The following KCNH8 variants were observed in gnomAD, a reference collection of about 807,000 sequenced individuals.
KCNH8 encodes the protein potassium voltage-gated channel subfamily H member 8, also known as voltage-gated delayed rectifier potassium channel KCNH8.
A neutral mutation model predicts 103.6 loss-of-function variants in KCNH8; 70 were observed. The ratio of observed to expected loss-of-function variants is 0.68; its 90% confidence interval spans 0.56 to 0.82. The LOEUF is 0.82. Ranked by LOEUF, KCNH8 falls within the 40% of genes least tolerant of loss-of-function variation. The probability of loss-of-function intolerance (pLI) is 0.00; values close to 1 mark genes in which losing one functional copy is unlikely to be tolerated. For missense variants in KCNH8, 1,217 were observed against 1,329.9 expected, an observed-to-expected ratio of 0.92 and a Z score of 1.32; for synonymous variants, 498 against 489.4, an observed-to-expected ratio of 1.02 and a Z score of -0.23.
chr3:19,354,045 A>G (rs2065843829), intron 5 of KCNH8, among the ~76,000 whole-genome samples: 1 of 152,220 alleles, frequency 6.6e-6, no homozygotes, highest in African/African-American at 2.4e-5. Context: ...GTCTCAGAAT[A>G]CAAAATCAAT....
intron 7 of KCNH8, among the ~76,000 whole-genome samples, chr3:19,429,100 C>T (rs2067075318): frequency 6.6e-6 from 1 of 151,540 alleles, no homozygotes; most frequent in South Asian, 2.1e-4. Context: ...TTTTTCACAC[C>T]TATCAAGCCA....
chr3:19,326,368 T>TATATATATATATATATATATATATAC (rs1315342008), intron 3 of KCNH8, among the ~76,000 whole-genome samples: 1 of 147,084 alleles, frequency 6.8e-6, no homozygotes, highest in Non-Finnish European at 1.5e-5. Flanking sequence ...TATATATATA[T>TATATATATATATATATATATATATAC]ATATATATAT....
At chr3:19,215,777 T>C (rs938766820) in intron 1 of KCNH8, among the ~76,000 whole-genome samples, 1 of 152,202 alleles carries the variant, frequency 6.6e-6, no homozygotes, top group Non-Finnish European at 1.5e-5. Context: ...TAGTAGGCTC[T>C]CCTTTCTGCA....
At chr3:19,289,575 A>G (rs2064887639) in intron 3 of KCNH8, among the ~76,000 whole-genome samples, 1 of 151,974 alleles carries the variant, frequency 6.6e-6, no homozygotes, top group Admixed American at 6.6e-5. Flanking sequence ...GTTCTGTTCC[A>G]TTGGTCTATA....
intron 8 of KCNH8, among the ~76,000 whole-genome samples, chr3:19,445,173 A>G (rs2067345052): frequency 6.6e-6 from 1 of 152,060 alleles, no homozygotes; most frequent in Non-Finnish European, 1.5e-5. Context: ...ATGGAACCTT[A>G]TGGATAAATC....
intron 1 of KCNH8, among the ~76,000 whole-genome samples, chr3:19,238,513 T>C (rs565534632): frequency 3.4e-4 from 52 of 152,322 alleles, no homozygotes; most frequent in African/African-American, 1.2e-3. Flanking sequence ...TGAGAATTTA[T>C]TTGCATAGAA....
chr3:19,222,759 A>G (rs922073180), intron 1 of KCNH8, among the ~76,000 whole-genome samples: 3 of 152,186 alleles, frequency 2.0e-5, no homozygotes, highest in East Asian at 1.9e-4. Flanking sequence ...TTGACCACAG[A>G]TAAATCACTA....
intron 7 of KCNH8, among the ~76,000 whole-genome samples, chr3:19,407,712 T>A (rs1056882072): frequency 6.6e-6 from 1 of 152,136 alleles, no homozygotes; most frequent in Non-Finnish European, 1.5e-5. Context: ...TTTCCCTGGT[T>A]CAGCAGCCTG....
At chr3:19,251,228 A>G (rs1283091609) in intron 1 of KCNH8, among the ~76,000 whole-genome samples, 1 of 152,160 alleles carries the variant, frequency 6.6e-6, no homozygotes, top group African/African-American at 2.4e-5. Context: ...AACTTTTTGC[A>G]TCCACACCTG....
intron 1 of KCNH8, among the ~76,000 whole-genome samples, chr3:19,239,713 A>G (rs1028428230): frequency 6.6e-6 from 1 of 151,900 alleles, no homozygotes; most frequent in African/African-American, 2.4e-5. Flanking sequence ...TAAGCTGTCT[A>G]TCTAATCTAG....
intron 2 of KCNH8, among the ~76,000 whole-genome samples, chr3:19,272,373 C>T (rs998670016): frequency 2.6e-5 from 4 of 152,034 alleles, no homozygotes; most frequent in Non-Finnish European, 4.4e-5. Context: ...ATGTGCCTGT[C>T]CTGTCTGTGA....
chr3:19,505,726 G>C (rs1200277381), intron 11 of KCNH8, among the ~76,000 whole-genome samples: 1 of 152,142 alleles, frequency 6.6e-6, no homozygotes, highest in Non-Finnish European at 1.5e-5. Context: ...GGATGGGAAG[G>C]TTTGCATGGA....
chr3:19,515,093 T>C (rs772638829), intron 13 of KCNH8, among the ~76,000 whole-genome samples: 14 of 151,832 alleles, frequency 9.2e-5, no homozygotes, highest in Non-Finnish European at 1.8e-4. Flanking sequence ...TTTTTAACCA[T>C]ATTCTTCAAA....
At chr3:19,503,491 C>A (rs1001767349) in intron 11 of KCNH8, among the ~76,000 whole-genome samples, 9 of 152,114 alleles carry the variant, frequency 5.9e-5, no homozygotes, top group African/African-American at 2.2e-4. Flanking sequence ...ATGTTTATTG[C>A]AGCATTATCC....
At chr3:19,482,642 A>C (rs1053190842) in intron 11 of KCNH8, among the ~76,000 whole-genome samples, 3 of 152,144 alleles carry the variant, frequency 2.0e-5, no homozygotes, top group Non-Finnish European at 4.4e-5. Context: ...GCTGGGAGCC[A>C]TTTTTTAAAC....
chr3:19,449,980 G>GT (rs2067421342), intron 8 of KCNH8, 126 bp from the exon 9 acceptor site: 2 of 727,820 alleles, frequency 2.7e-6, no homozygotes, highest in Non-Finnish European at 4.5e-6. Context: ...CAAAATAGCT[G>GT]TATCAACATG....
intron 1 of KCNH8, among the ~76,000 whole-genome samples, chr3:19,180,656 A>G (rs1455692837): frequency 1.3e-5 from 2 of 152,160 alleles, no homozygotes; most frequent in African/African-American, 4.8e-5. Context: ...TTACAAAGCA[A>G]ATCAGTACAA....
At chr3:19,466,712 G>A (rs1216437806) in intron 11 of KCNH8, among the ~76,000 whole-genome samples, 5 of 136,672 alleles carry the variant, frequency 3.7e-5, no homozygotes, top group African/African-American at 1.4e-4. Context: ...CGCCCAGGCT[G>A]GAGTGCAATG....
chr3:19,438,457 C>A, intron 8 of KCNH8, 96 bp downstream of exon 8: 1 of 957,258 alleles, frequency 1.0e-6, no homozygotes, highest in Non-Finnish European at 1.6e-6. Flanking sequence ...AACAGATAAA[C>A]TGATTAACAC....
Sources: allele counts gnomAD v4.1 joint callset (sites outside exome capture counted in the v4.1 genomes callset), GRCh38; gene constraint gnomAD v4.1.1; transcripts MANE v1.5; gene names NCBI Gene and HGNC (gene_info 2026-07-23, HGNC 2026-07-21).